The following BCAP31 variants were observed in gnomAD, a reference collection of about 807,000 sequenced individuals.
BCAP31 encodes B-cell receptor-associated protein 31.
For missense variants in BCAP31, 124 were observed against 193.0 expected, an observed-to-expected ratio of 0.64 and a Z score of 2.12; for synonymous variants, 75 against 80.9, an observed-to-expected ratio of 0.93 and a Z score of 0.39.
chrX:153,702,582 C>T (rs782043763), intron 6 of BCAP31: 8 of 192,310 alleles, frequency 4.2e-5, no homozygotes, highest in African/African-American at 6.0e-5. Flanking sequence ...CCCTCCTGAA[C>T]GCCACTCCCA....
At chrX:153,715,442 A>T (rs2091620197) in intron 4 of BCAP31, 100 bp downstream of exon 4, 1 of 1,081,146 alleles carries the variant, frequency 9.2e-7, no homozygotes, top group Non-Finnish European at 1.3e-6. Context: ...ACTGAGGAGG[A>T]ATCAAAGTCA....
chrX:153,711,414 C>T (rs1347337360), intron 4 of BCAP31, among the ~76,000 whole-genome samples: 6 of 112,430 alleles, frequency 5.3e-5, no homozygotes, highest in Non-Finnish European at 1.1e-4. Flanking sequence ...AAATGTTAAT[C>T]CACACAGGTG....
chrX:153,714,754 T>A (rs2091615345), intron 4 of BCAP31, among the ~76,000 whole-genome samples: 1 of 110,997 alleles, frequency 9.0e-6, no homozygotes, highest in Admixed American at 9.5e-5. Flanking sequence ...GTGTTGGAAT[T>A]TAATCCTCAC....
chrX:153,723,747 C>CCA, intron 1 of BCAP31: 10 of 1,071,597 alleles, frequency 9.3e-6, no homozygotes, highest in Non-Finnish European at 1.2e-5. Context: ...CCAGGCAGGC[C>CCA]CAAGGCCGCA....
intron 5 of BCAP31, 42 bp downstream of exon 5, chrX:153,703,917 A>T: frequency 8.3e-7 from 1 of 1,199,992 alleles, no homozygotes; most frequent in Non-Finnish European, 1.1e-6. Context: ...CCCACAGTGT[A>T]ACACCAGGAC....
intron 3 of BCAP31, among the ~76,000 whole-genome samples, chrX:153,719,607 G>GC (rs1388341665): frequency 9.0e-6 from 1 of 110,608 alleles, no homozygotes; most frequent in Non-Finnish European, 1.9e-5. Context: ...CTGAACCACA[G>GC]CCCCCCACCC....
At chrX:153,712,427 T>C (rs868984731) in intron 4 of BCAP31, among the ~76,000 whole-genome samples, 1 of 101,527 alleles carries the variant, frequency 9.8e-6, no homozygotes, top group Admixed American at 1.0e-4. Context: ...AATAAATAAA[T>C]AAATAAATAA....
intron 6 of BCAP31, 95 bp from the exon 7 acceptor site, chrX:153,702,202 A>C: frequency 5.5e-6 from 4 of 733,437 alleles, no homozygotes; most frequent in Non-Finnish European, 8.1e-6. Context: ...AACTGGCCCA[A>C]ATCTATCTCA....
At chrX:153,707,372 T>TTA (rs2091561809) in intron 4 of BCAP31, among the ~76,000 whole-genome samples, 1 of 92,356 alleles carries the variant, frequency 1.1e-5, no homozygotes, top group Non-Finnish European at 2.1e-5. Flanking sequence ...CAAGTATAGC[T>TTA]AAAAAAAAAA....
intron 3 of BCAP31, among the ~76,000 whole-genome samples, chrX:153,718,461 A>T (rs2091644194): frequency 9.0e-6 from 1 of 111,059 alleles, no homozygotes; most frequent in South Asian, 3.8e-4. Flanking sequence ...TCCTCCTGCC[A>T]TGTCCCAGCA....
At chrX:153,701,130 A>G (rs1238445276) in intron 7 of BCAP31, among the ~76,000 whole-genome samples, 155 bp from the exon 8 acceptor site, 1 of 111,833 alleles carries the variant, frequency 8.9e-6, no homozygotes, top group Non-Finnish European at 1.9e-5. Context: ...AGCTGCACCC[A>G]AAGGCCTGCC....
At position 153,707,258 on chromosome X, in the gene BCAP31, T is replaced by C. The variant is rs1451458456; in HGVS notation, c.342-3164A>G. On this transcript the variant is annotated intron_variant, in intron 4 of 7. Coordinates refer to ENST00000345046, the MANE Select transcript of BCAP31 (RefSeq NM_001256447.2). ...TCTGCGTGGCTGCCATCCGTTTATA[T>C]GGCTGCCCTACCAGGCTATGAAGGT... is the stretch of plus-strand genomic sequence containing the variant. 2.7e-5 allele frequency among the ~76,000 whole-genome samples: 3 copies of C among 110,663 alleles called. No homozygotes were observed. In the Admixed American group the frequency reaches 2.9e-4, roughly 11 times the overall value.
chrX:153,715,512 C>T (rs1557049916), intron 4 of BCAP31, 30 bp downstream of exon 4: 2 of 1,204,320 alleles, frequency 1.7e-6, no homozygotes, highest in Admixed American at 4.4e-5. Flanking sequence ...GCTCCTTTCA[C>T]AGCACCTGCC....
intron 6 of BCAP31, among the ~76,000 whole-genome samples, 174 bp downstream of exon 6, chrX:153,702,761 T>A (rs1205533223): frequency 1.8e-5 from 2 of 112,847 alleles, no homozygotes; most frequent in African/African-American, 6.4e-5. Flanking sequence ...GCCTGCCGGC[T>A]AAGCATGGCT....
intron 3 of BCAP31, among the ~76,000 whole-genome samples, chrX:153,716,981 T>TATA (rs1475580806): frequency 9.4e-6 from 1 of 106,378 alleles, no homozygotes; most frequent in Non-Finnish European, 1.9e-5. Context: ...CATCTAGCAG[T>TATA]ATATACAATA....
chrX:153,720,019 G>C (rs1557050706), intron 3 of BCAP31, among the ~76,000 whole-genome samples: 2 of 111,831 alleles, frequency 1.8e-5, no homozygotes, highest in African/African-American at 6.5e-5. Flanking sequence ...GATGCAGAGA[G>C]GTCTAGGATC....
At chrX:153,716,578 CAAAA>C (rs782072647) in intron 3 of BCAP31, among the ~76,000 whole-genome samples, 1 of 27,370 alleles carries the variant, frequency 3.7e-5, no homozygotes, top group Admixed American at 4.5e-4. Flanking sequence ...TCTCTCTCAA[CAAAA>C]AAAAAAAAAA....
intron 3 of BCAP31, among the ~76,000 whole-genome samples, chrX:153,717,922 G>A (rs1557050381): frequency 8.9e-6 from 1 of 112,431 alleles, no homozygotes; most frequent in African/African-American, 3.2e-5. Flanking sequence ...AGAAGTATTT[G>A]CATAAATTTG....
At chrX:153,723,940 G>A (rs1557051703) in intron 1 of BCAP31, 4 of 474,159 alleles carry the variant, frequency 8.4e-6, no homozygotes, top group Admixed American at 5.4e-5. Context: ...GCAAAGGCAG[G>A]TCTCGACCAA....
Sources: allele counts gnomAD v4.1 joint callset (sites outside exome capture counted in the v4.1 genomes callset), GRCh38; gene constraint gnomAD v4.1.1; transcripts MANE v1.5; gene names NCBI Gene and HGNC (gene_info 2026-07-23, HGNC 2026-07-21).